MYO1E: variants seen among roughly 807,000 people sequenced by gnomAD.
The protein encoded by MYO1E is unconventional myosin-Ie.
In MYO1E, 68 loss-of-function variants were observed where a neutral mutation model predicts 151.1. The observed-to-expected ratio is 0.45, with a 90% CI of 0.37 to 0.55. The LOEUF is 0.55. MYO1E is among the 20% of genes least tolerant of loss of function. The pLI is 0.00. For synonymous variants in MYO1E, 601 were observed against 501.7 expected (o/e 1.20, Z -2.64); for missense variants, 1,363 against 1,389.3 (o/e 0.98, Z 0.30).
At chr15:59,261,649 T>TCTA in intron 2 of MYO1E, 140 bp from the exon 3 acceptor site, 1 of 653,158 alleles carries the variant, frequency 1.5e-6, no homozygotes, top group Non-Finnish European at 2.8e-6. Flanking sequence ...AGATTACAAG[T>TCTA]AAAGACGAAA....
At chr15:59,285,447 C>T (rs1019237723) in intron 1 of MYO1E, among the ~76,000 whole-genome samples, 2 of 150,958 alleles carry the variant, frequency 1.3e-5, no homozygotes, top group Non-Finnish European at 3.0e-5. Flanking sequence ...AACCTCTGCC[C>T]CCCGGCTTCA....
chr15:59,345,679 A>G (rs1367003849), intron 1 of MYO1E, among the ~76,000 whole-genome samples: 1 of 152,248 alleles, frequency 6.6e-6, no homozygotes, highest in Non-Finnish European at 1.5e-5. Flanking sequence ...GGTACCAGGA[A>G]TAGAACATTG....
intron 1 of MYO1E, among the ~76,000 whole-genome samples, chr15:59,335,270 C>G (rs2140425393): frequency 6.6e-6 from 1 of 152,198 alleles, no homozygotes; most frequent in East Asian, 1.9e-4. Flanking sequence ...GATATATGTA[C>G]TATCCTTGGT....
intron 26 of MYO1E, among the ~76,000 whole-genome samples, chr15:59,149,986 AC>A (rs1310996566): frequency 6.6e-6 from 1 of 152,218 alleles, no homozygotes; most frequent in Non-Finnish European, 1.5e-5. Context: ...AATTTAGGTA[AC>A]CATGGGGATC....
chr15:59,365,329 A>G (rs777686511), intron 1 of MYO1E, among the ~76,000 whole-genome samples: 2 of 152,082 alleles, frequency 1.3e-5, no homozygotes, highest in Admixed American at 1.3e-4. Flanking sequence ...GAATTCTTCT[A>G]AATTTCTTAT....
intron 4 of MYO1E, among the ~76,000 whole-genome samples, chr15:59,240,968 T>G (rs1665534823): frequency 6.6e-6 from 1 of 152,214 alleles, no homozygotes; most frequent in African/African-American, 2.4e-5. Flanking sequence ...AAGTCGAGTA[T>G]ACAAAGGCTA....
At chr15:59,331,248 A>C (rs1320919544) in intron 1 of MYO1E, among the ~76,000 whole-genome samples, 1 of 152,188 alleles carries the variant, frequency 6.6e-6, no homozygotes, top group Non-Finnish European at 1.5e-5. Flanking sequence ...GAAAACCTTG[A>C]AAGATGTGAC....
At chr15:59,272,173 T>C in intron 2 of MYO1E, 133 bp downstream of exon 2, 1 of 994,528 alleles carries the variant, frequency 1.0e-6, no homozygotes, top group Non-Finnish European at 1.6e-6. Context: ...CAGGATGGTC[T>C]GGAACTCCTG....
At chr15:59,172,518 C>T (rs1330386288) in intron 21 of MYO1E, among the ~76,000 whole-genome samples, 1 of 152,162 alleles carries the variant, frequency 6.6e-6, no homozygotes, top group African/African-American at 2.4e-5. Context: ...TGAAAGAGGG[C>T]ATTGTTCATG....
intron 1 of MYO1E, among the ~76,000 whole-genome samples, chr15:59,299,474 T>C (rs1412154907): frequency 6.6e-6 from 1 of 152,218 alleles, no homozygotes; most frequent in Admixed American, 6.5e-5. Context: ...TCAACAAAAC[T>C]TATGTTAGGC....
chr15:59,213,146 TTA>T (rs745930261), intron 12 of MYO1E, among the ~76,000 whole-genome samples: 50 of 47,592 alleles, frequency 1.1e-3, no homozygotes, highest in East Asian at 1.2e-3. Context: ...TTTATTATTA[TTA>T]TTATTATTAT....
At chr15:59,351,537 G>A (rs2080823149) in intron 1 of MYO1E, among the ~76,000 whole-genome samples, 2 of 152,302 alleles carry the variant, frequency 1.3e-5, no homozygotes, top group South Asian at 4.1e-4. Flanking sequence ...GGAACTGAGA[G>A]TTTTTGAGGA....
intron 1 of MYO1E, among the ~76,000 whole-genome samples, chr15:59,363,384 AACAG>A (rs2080896512): frequency 6.6e-6 from 1 of 152,230 alleles, no homozygotes; most frequent in African/African-American, 2.4e-5. Context: ...TACTACTCAT[AACAG>A]ACAATGTTCT....
intron 25 of MYO1E, among the ~76,000 whole-genome samples, chr15:59,154,883 A>G (rs948961412): frequency 6.6e-6 from 1 of 152,206 alleles, no homozygotes; most frequent in Non-Finnish European, 1.5e-5. Context: ...CCACGGTTTT[A>G]TCAGGGTGGA....
intron 1 of MYO1E, among the ~76,000 whole-genome samples, chr15:59,342,440 A>C (rs1261063356): frequency 2.6e-5 from 4 of 152,132 alleles, no homozygotes; most frequent in Non-Finnish European, 5.9e-5. Flanking sequence ...GAGTCTTCCC[A>C]ATGTTTTCTT....
At chr15:59,141,795 C>G in intron 26 of MYO1E, among the ~76,000 whole-genome samples, 1 of 96,962 alleles carries the variant, frequency 1.0e-5, no homozygotes, top group South Asian at 3.7e-4. Flanking sequence ...AAGACTTTGT[C>G]TCAAAAAAAA....
intron 3 of MYO1E, among the ~76,000 whole-genome samples, chr15:59,258,861 GA>G (rs765255975): frequency 0.029 from 3,644 of 124,984 alleles, 103 homozygotes; most frequent in African/African-American, 0.075. Flanking sequence ...TGTTTCAAAA[GA>G]AAAAAAAAAA....
chr15:59,291,896 A>G (rs897295017), intron 1 of MYO1E, among the ~76,000 whole-genome samples: 46 of 152,114 alleles, frequency 3.0e-4, no homozygotes, highest in African/African-American at 1.1e-3. Flanking sequence ...GGCAAGCAGT[A>G]TGAATAAATC....
Position 59,139,501 on chromosome 15 carries a change from T to TCA in MYO1E, c.3081-1135_3081-1134insTG, listed in dbSNP as rs59200335. ...CTCTGCAGACTTCTTTCCCACCCCC[T>TCA]TATTACTCTGCAGACATCCCTCCTA... On this transcript the variant is annotated intron_variant, in intron 26 of 27. Coordinates refer to ENST00000288235, the MANE Select transcript of MYO1E (RefSeq NM_004998.4). Among the ~76,000 whole-genome samples the TCA allele has an allele frequency of 2.9e-3, 161 of 55,206 alleles. 1 individual carries two copies. The highest frequency in any genetic ancestry group is 0.018 in the African/African-American group (145 of 8,058). 36.2% of individuals were successfully genotyped at this position (55,206 alleles called of 152,430 possible).
Sources: gnomAD v4.1 joint callset for allele counts (sites outside exome capture counted in the v4.1 genomes callset) on GRCh38, gnomAD v4.1.1 for gene constraint, MANE v1.5 for transcripts, NCBI Gene and HGNC (gene_info 2026-07-23, HGNC 2026-07-21) for gene names.